ANGPT1: variants seen among roughly 807,000 people sequenced by gnomAD.
ANGPT1 encodes the protein angiopoietin-1.
A neutral mutation model predicts 62.2 loss-of-function variants in ANGPT1; 17 were observed. The ratio of observed to expected loss-of-function variants is 0.27; its 90% CI spans 0.19 to 0.41. The LOEUF is 0.41. Ranked by LOEUF, ANGPT1 falls within the 10% of genes least tolerant of loss-of-function variation. ANGPT1 has a pLI of 1.00. For synonymous variants in ANGPT1, 199 were observed against 198.9 expected (o/e 1.00, Z 0.00); for missense variants, 478 against 594.9 (o/e 0.80, Z 2.04).
At chr8:107,431,260 TTGAC>T (rs1459479383) in intron 1 of ANGPT1, among the ~76,000 whole-genome samples, 4 of 152,202 alleles carry the variant, frequency 2.6e-5, no homozygotes, top group Non-Finnish European at 5.9e-5. Flanking sequence ...ATAAAAAAAA[TTGAC>T]TGTGTCTAAT....
At chr8:107,323,692 A>T (rs1815210190) in intron 3 of ANGPT1, among the ~76,000 whole-genome samples, 1 of 152,196 alleles carries the variant, frequency 6.6e-6, no homozygotes, top group Admixed American at 6.5e-5. Flanking sequence ...GATGTCAATC[A>T]TACTAGTCAT....
chr8:107,257,602 C>A (rs568634489), intron 8 of ANGPT1, among the ~76,000 whole-genome samples: 1 of 152,158 alleles, frequency 6.6e-6, no homozygotes, highest in Non-Finnish European at 1.5e-5. Context: ...GCATTCTAAT[C>A]AGCAGTATGC....
chr8:107,265,606 A>AATGTTTTCATCAGAATC (rs1813595464), intron 7 of ANGPT1, among the ~76,000 whole-genome samples: 1 of 152,104 alleles, frequency 6.6e-6, no homozygotes, highest in Non-Finnish European at 1.5e-5. Context: ...ATACCAGCAC[A>AATGTTTTCATCAGAATC]ATGTTTTCAT....
At chr8:107,302,383 G>T (rs1054134637) in intron 5 of ANGPT1, among the ~76,000 whole-genome samples, 1 of 151,836 alleles carries the variant, frequency 6.6e-6, no homozygotes, top group Non-Finnish European at 1.5e-5. Flanking sequence ...GAAGAGCAAG[G>T]TTCTTGCCTA....
intron 1 of ANGPT1, among the ~76,000 whole-genome samples, chr8:107,472,532 C>A (rs1563638163): frequency 6.6e-6 from 1 of 151,994 alleles, no homozygotes; most frequent in East Asian, 1.9e-4. Flanking sequence ...GGGTACCGTT[C>A]TTAAGAAAAA....
intron 1 of ANGPT1, among the ~76,000 whole-genome samples, chr8:107,358,228 T>C (rs1349126922): frequency 6.6e-6 from 1 of 152,164 alleles, no homozygotes; most frequent in South Asian, 2.1e-4. Context: ...GTCCAACTAA[T>C]TTTTTTCTGA....
rs143598998 is a variant in ANGPT1 at position 107,417,287 on chromosome 8, A to T, written c.298-70190T>A. The stretch of plus-strand genomic sequence containing the variant: ...AGATTCTTGCTAAGAGGGAGGAGTC[A>T]TTGTACCCTTGAGAGAATGATCTGA... On this transcript the variant is annotated intron_variant, in intron 1 of 8. Coordinates refer to ENST00000517746, the MANE Select transcript of ANGPT1 (RefSeq NM_001146.5). Among the ~76,000 whole-genome samples, 196 of 152,302 alleles carry T rather than the reference A, an allele frequency of 1.3e-3. 1 individual carries two copies. The highest frequency in any genetic ancestry group is 3.4e-3 in the Middle Eastern group (1 of 294).
chr8:107,427,013 T>A (rs549347829), intron 1 of ANGPT1, among the ~76,000 whole-genome samples: 57 of 152,206 alleles, frequency 3.7e-4, no homozygotes, highest in Middle Eastern at 6.8e-3. Context: ...TCAAAGCAAA[T>A]TGATTCAACT....
intron 1 of ANGPT1, among the ~76,000 whole-genome samples, chr8:107,408,530 G>C (rs1817196380): frequency 6.6e-6 from 1 of 152,114 alleles, no homozygotes; most frequent in East Asian, 1.9e-4. Flanking sequence ...GGGAGGGTGA[G>C]GGCTCTGCTG....
intron 1 of ANGPT1, among the ~76,000 whole-genome samples, chr8:107,424,876 TA>T (rs1377780067): frequency 1.3e-5 from 2 of 152,212 alleles, no homozygotes; most frequent in African/African-American, 2.4e-5. Flanking sequence ...ATTCTTTTTT[TA>T]AAAAAATATT....
chr8:107,486,481 A>G (rs1055644460), intron 1 of ANGPT1, among the ~76,000 whole-genome samples: 1 of 152,156 alleles, frequency 6.6e-6, no homozygotes, highest in Non-Finnish European at 1.5e-5. Context: ...CAATGGTCTC[A>G]ACAGTTTTGA....
intron 1 of ANGPT1, among the ~76,000 whole-genome samples, chr8:107,355,691 G>C (rs1816029505): frequency 6.6e-6 from 1 of 152,060 alleles, no homozygotes; most frequent in South Asian, 2.1e-4. Flanking sequence ...CTTGGGCTAG[G>C]TCCTATTTTT....
intron 1 of ANGPT1, among the ~76,000 whole-genome samples, chr8:107,417,296 T>C (rs937898342): frequency 6.6e-6 from 1 of 152,110 alleles, no homozygotes; most frequent in Admixed American, 6.6e-5. Flanking sequence ...CATTGTACCC[T>C]TGAGAGAATG....
At chr8:107,403,636 G>A (rs550161362) in intron 1 of ANGPT1, among the ~76,000 whole-genome samples, 6 of 152,202 alleles carry the variant, frequency 3.9e-5, no homozygotes, top group African/African-American at 1.4e-4. Context: ...GTCTCTTTGT[G>A]ATAGGATTAG....
At chr8:107,317,502 C>T (rs1309021693) in intron 4 of ANGPT1, among the ~76,000 whole-genome samples, 1 of 151,682 alleles carries the variant, frequency 6.6e-6, no homozygotes, top group African/African-American at 2.4e-5. Flanking sequence ...TTTCTTTTTT[C>T]CTTCCTTCCT....
chr8:107,291,268 C>T (rs1278325355), intron 6 of ANGPT1, among the ~76,000 whole-genome samples: 1 of 152,166 alleles, frequency 6.6e-6, no homozygotes, highest in Non-Finnish European at 1.5e-5. Flanking sequence ...ACTTACATTA[C>T]TTCTAATCCT....
chr8:107,427,288 G>A (rs1446866818), intron 1 of ANGPT1, among the ~76,000 whole-genome samples: 3 of 152,090 alleles, frequency 2.0e-5, no homozygotes, highest in Non-Finnish European at 2.9e-5. Flanking sequence ...TTGTTTCAAC[G>A]TTCCTGCACT....
At chr8:107,441,119 G>A (rs1413109159) in intron 1 of ANGPT1, among the ~76,000 whole-genome samples, 2 of 152,190 alleles carry the variant, frequency 1.3e-5, no homozygotes, top group African/African-American at 4.8e-5. Flanking sequence ...ATTAAGCTAT[G>A]AGTTTTGGCT....
rs772834855 is a variant in ANGPT1, at chr8:107,342,078, C to CA, written c.453+4863dup. ...AGTACGGAAAAGAAAAACAAACAAA[C>CA]AAAAAAACCCAAAAAAACATTCACT... is the stretch of plus-strand genomic sequence containing the variant. On this transcript the variant is annotated intron_variant, in intron 2 of 8. Transcript: ENST00000517746. Among the ~76,000 whole-genome samples, 70 of 152,066 alleles carry CA rather than the reference C, an allele frequency of 4.6e-4. 1 individual carries two copies. Among genetic ancestry groups the CA allele is most frequent in the Non-Finnish European group, 9.0e-4 (61 of 67,966 alleles).
Sources: allele counts gnomAD v4.1 joint callset (sites outside exome capture counted in the v4.1 genomes callset), GRCh38; gene constraint gnomAD v4.1.1; transcripts MANE v1.5; gene names NCBI Gene and HGNC (gene_info 2026-07-23, HGNC 2026-07-21).